The following PAK1 variants were observed in gnomAD, a reference collection of about 807,000 sequenced individuals.
PAK1 encodes p21 (RAC1) activated kinase 1, also known as serine/threonine-protein kinase PAK 1.
PAK1 carries 29 observed loss-of-function variants against 67.4 expected under a neutral mutation model. The observed-to-expected ratio is 0.43, with a 90% CI of 0.32 to 0.59. PAK1 has a LOEUF of 0.59. Ranked by LOEUF, PAK1 falls within the 20% of genes least tolerant of loss-of-function variation. PAK1 has a pLI of 0.07. For synonymous variants in PAK1, 223 were observed against 237.4 expected, an observed-to-expected ratio of 0.94 and a Z score of 0.56; for missense variants, 337 against 670.7, an observed-to-expected ratio of 0.50 and a Z score of 5.50.
At chr11:77,345,933 A>G (rs987241921) in intron 9 of PAK1, among the ~76,000 whole-genome samples, 2 of 152,170 alleles carry the variant, frequency 1.3e-5, no homozygotes, top group African/African-American at 4.8e-5. Context: ...AGAGGCAGAA[A>G]GAGGCTAACA....
rs567003545 is a variant in PAK1 at position 77,421,720 on chromosome 11, T to C, written c.-21-29179A>G. On this transcript the variant is annotated intron_variant, in intron 1 of 14. Transcript: ENST00000356341. Reference sequence around the variant, plus strand: ...AAGGAATGTGGATGCAGTCTTAGAGTGGCCTAAAGTAATTGTCCAAGAGTT... The same window carrying C: ...AAGGAATGTGGATGCAGTCTTAGAGCGGCCTAAAGTAATTGTCCAAGAGTT... Among the ~76,000 whole-genome samples the C allele has an allele frequency of 7.2e-5, 11 of 152,278 alleles. No homozygotes were observed. The East Asian group carries it at 1.2e-3, about 16-fold the overall frequency.
At chr11:77,331,126 C>G (rs1171308858) in intron 14 of PAK1, among the ~76,000 whole-genome samples, 1 of 152,180 alleles carries the variant, frequency 6.6e-6, no homozygotes, top group Admixed American at 6.6e-5. Context: ...ATTAAAAAGT[C>G]AGGAAACAAC....
intron 2 of PAK1, among the ~76,000 whole-genome samples, chr11:77,386,794 G>A (rs1210841673): frequency 2.0e-5 from 3 of 152,118 alleles, no homozygotes; most frequent in Non-Finnish European, 4.4e-5. Context: ...TTATTTTTGA[G>A]ACAGAATTTT....
chr11:77,412,792 A>T (rs1226159860), intron 1 of PAK1, among the ~76,000 whole-genome samples: 1 of 152,192 alleles, frequency 6.6e-6, no homozygotes, highest in Non-Finnish European at 1.5e-5. Context: ...TCTCAAAACA[A>T]CCTTATGAAG....
chr11:77,527,951 G>A, the PAK1 span, among the ~76,000 whole-genome samples: 130 of 152,144 alleles, frequency 8.5e-4, 1 homozygote, highest in African/African-American at 3.1e-3. Context: ...TCAGGCTCAA[G>A]TGATCCTCCC....
At chr11:77,410,829 A>G (rs1161300313) in intron 1 of PAK1, among the ~76,000 whole-genome samples, 2 of 152,120 alleles carry the variant, frequency 1.3e-5, no homozygotes, top group Non-Finnish European at 2.9e-5. Context: ...CGGGCCTGAC[A>G]TGAGCTTCTT....
intron 14 of PAK1, among the ~76,000 whole-genome samples, chr11:77,328,011 A>G (rs1940472719): frequency 6.6e-6 from 1 of 152,322 alleles, no homozygotes; most frequent in African/African-American, 2.4e-5. Flanking sequence ...CAGACTTTAA[A>G]CCAACAAAGA....
chr11:77,355,731 G>A lies in PAK1; in HGVS notation c.709C>T (p.Arg237Trp), dbSNP rs750826465. The A allele has an allele frequency of 1.5e-5, 24 of 1,613,114 alleles. No individual in the cohort carries two copies. Among genetic ancestry groups the A allele is most frequent in the South Asian group, 4.4e-5 (4 of 91,050 alleles). The change falls in exon 7 of 15, where the codon CGG becomes TGG. Residue 237 changes from arginine to tryptophan, a missense_variant. Coordinates refer to ENST00000356341, the MANE Select transcript of PAK1 (RefSeq NM_002576.5). Reference protein sequence around the residue: ...NNTTPPDALTRNTEKQKKKPK... With the variant: ...NNTTPPDALTWNTEKQKKKPK... The stretch of plus-strand genomic sequence containing the variant: ...TTCTTCTTCTGCTTCTCAGTATTCC[G>A]GGTCAAAGCATCTGGTGGAGTGGTG...
intron 5 of PAK1, among the ~76,000 whole-genome samples, chr11:77,370,497 A>T (rs1948285789): frequency 6.6e-6 from 1 of 152,224 alleles, no homozygotes; most frequent in Non-Finnish European, 1.5e-5. Context: ...TTACCCTTGA[A>T]GATGACCCAT....
chr11:77,340,459 C>T (rs1277598818), intron 11 of PAK1, among the ~76,000 whole-genome samples, 187 bp downstream of exon 11: 4 of 151,334 alleles, frequency 2.6e-5, no homozygotes, highest in African/African-American at 7.3e-5. Flanking sequence ...ATAAAGTTAT[C>T]GTTAAAAAAA....
chr11:77,381,098 G>A (rs1055735972), intron 2 of PAK1, among the ~76,000 whole-genome samples: 1 of 151,476 alleles, frequency 6.6e-6, no homozygotes, highest in African/African-American at 2.4e-5. Flanking sequence ...AAACAAAAAG[G>A]TCTAGAGTTC....
At chr11:77,433,477 T>C (rs1955956873) in intron 1 of PAK1, among the ~76,000 whole-genome samples, 1 of 152,142 alleles carries the variant, frequency 6.6e-6, no homozygotes, top group Admixed American at 6.5e-5. Context: ...TAAAGAACTC[T>C]TATAATAATA....
chr11:77,324,264 C>T (rs1045385987), intron 14 of PAK1, among the ~76,000 whole-genome samples: 5 of 151,284 alleles, frequency 3.3e-5, no homozygotes, highest in African/African-American at 7.3e-5. Context: ...CCTCCGCCTC[C>T]TGGGTTCAAG....
At chr11:77,433,111 CA>C (rs1333107108) in intron 1 of PAK1, among the ~76,000 whole-genome samples, 1 of 152,142 alleles carries the variant, frequency 6.6e-6, no homozygotes, top group Non-Finnish European at 1.5e-5. Context: ...GTCTTTTCAA[CA>C]AAGGGTGCTG....
intron 2 of PAK1, among the ~76,000 whole-genome samples, chr11:77,390,497 G>A (rs763531283): frequency 5.3e-5 from 8 of 151,500 alleles, no homozygotes; most frequent in Admixed American, 2.6e-4. Flanking sequence ...CACCACACCC[G>A]GCCTATTTTA....
chr11:77,487,930 G>A, the PAK1 span, among the ~76,000 whole-genome samples: 1 of 152,176 alleles, frequency 6.6e-6, no homozygotes, highest in Non-Finnish European at 1.5e-5. Context: ...AGTGAACATA[G>A]GAAGTACCAG....
chr11:77,327,542 T>C (rs1400044073), intron 14 of PAK1, among the ~76,000 whole-genome samples: 5 of 152,018 alleles, frequency 3.3e-5, no homozygotes, highest in African/African-American at 1.2e-4. Flanking sequence ...CTAAGCTTCA[T>C]AAGTGAAGGA....
chr11:77,526,782 G>C, the PAK1 span, among the ~76,000 whole-genome samples: 2 of 152,070 alleles, frequency 1.3e-5, no homozygotes, highest in Non-Finnish European at 1.5e-5. Context: ...TGGGTGTAGT[G>C]GCATGCACCT....
intron 10 of PAK1, among the ~76,000 whole-genome samples, chr11:77,341,211 A>C (rs1194834848): frequency 6.6e-6 from 1 of 152,222 alleles, no homozygotes; most frequent in Admixed American, 6.5e-5. Flanking sequence ...TCTGAGATCT[A>C]TGAGACCAAG....
Sources: allele counts gnomAD v4.1 joint callset (sites outside exome capture counted in the v4.1 genomes callset), GRCh38; gene constraint gnomAD v4.1.1; transcripts MANE v1.5; gene names NCBI Gene and HGNC (gene_info 2026-07-23, HGNC 2026-07-21).